The following DRC11 variants were observed in gnomAD, a reference collection of about 807,000 sequenced individuals.
The protein encoded by DRC11 is dynein regulatory complex subunit 11, also known as IQ and AAA domain-containing protein 1.
the DRC11 span, chr2:236,392,089 ATAC>A: frequency 1.6e-5 from 26 of 1,609,222 alleles, no homozygotes; most frequent in Non-Finnish European, 2.2e-5. The surrounding 1 kb of genome is among the most constrained non-coding windows in gnomAD (Gnocchi z 5.1). Flanking sequence ...AATACAAAAC[ATAC>A]TACTTTTAAG....
the DRC11 span, among the ~76,000 whole-genome samples, chr2:236,436,264 C>A: frequency 6.6e-6 from 1 of 151,686 alleles, no homozygotes; most frequent in Non-Finnish European, 1.5e-5. Flanking sequence ...TGAAAAATAC[C>A]CATTGTCATA....
At chr2:236,409,021 C>T in the DRC11 span, 1 of 650,034 alleles carries the variant, frequency 1.5e-6, no homozygotes, top group Admixed American at 2.5e-5. Flanking sequence ...CTGTGCACTT[C>T]CGAGGCAGGA....
the DRC11 span, among the ~76,000 whole-genome samples, chr2:236,386,656 A>T: frequency 6.6e-6 from 1 of 151,002 alleles, no homozygotes; most frequent in African/African-American, 2.4e-5. Context: ...TTGTGTCTCT[A>T]TTTCCTTCAG....
the DRC11 span, among the ~76,000 whole-genome samples, chr2:236,396,874 C>G: frequency 6.6e-6 from 1 of 152,210 alleles, no homozygotes; most frequent in Non-Finnish European, 1.5e-5. Context: ...AGGCCCTGCC[C>G]TCAAGGACTT....
At chr2:236,357,902 TATAA>T in the DRC11 span, among the ~76,000 whole-genome samples, 2 of 123,458 alleles carry the variant, frequency 1.6e-5, no homozygotes, top group South Asian at 2.4e-4. Flanking sequence ...ATTTATAATA[TATAA>T]ATATACATAT....
the DRC11 span, among the ~76,000 whole-genome samples, chr2:236,311,949 T>G: frequency 6.6e-6 from 1 of 152,118 alleles, no homozygotes; most frequent in Non-Finnish European, 1.5e-5. This position sits in a 1 kb window ranked among gnomAD's most constrained non-coding sequence, Gnocchi z 6.9. Context: ...ATTCTATAGA[T>G]ATGTTAAGGT....
the DRC11 span, among the ~76,000 whole-genome samples, chr2:236,432,115 T>A: frequency 3.9e-5 from 6 of 152,302 alleles, no homozygotes; most frequent in African/African-American, 1.4e-4. Context: ...TTTGTATCCA[T>A]CCTCATGGGT....
the DRC11 span, chr2:236,486,703 A>T: frequency 1.2e-4 from 82 of 675,330 alleles, no homozygotes; most frequent in Middle Eastern, 1.2e-3. This position sits in a 1 kb window ranked among gnomAD's most constrained non-coding sequence, Gnocchi z 5.7. Context: ...CATATGGGTG[A>T]CTCCATTCCA....
the DRC11 span, among the ~76,000 whole-genome samples, chr2:236,494,386 T>C: frequency 1.3e-5 from 2 of 152,218 alleles, no homozygotes; most frequent in African/African-American, 4.8e-5. The surrounding 1 kb of genome is among the most constrained non-coding windows in gnomAD (Gnocchi z 4.2). Context: ...ACAAAAGTAG[T>C]TTGCTTTATT....
the DRC11 span, chr2:236,331,440 A>C: frequency 1.2e-6 from 2 of 1,614,016 alleles, no homozygotes; most frequent in East Asian, 4.5e-5. The surrounding 1 kb of genome is among the most constrained non-coding windows in gnomAD (Gnocchi z 4.8). Context: ...TGAGAGGTTT[A>C]TGAATTTGCC....
the DRC11 span, chr2:236,455,219 G>A: frequency 3.3e-5 from 5 of 152,344 alleles, no homozygotes; most frequent in Non-Finnish European, 7.3e-5. The surrounding 1 kb of genome is among the most constrained non-coding windows in gnomAD (Gnocchi z 5.7). Flanking sequence ...CTGCTGGCAT[G>A]TTCGGAAGGA....
At chr2:236,439,060 T>G in the DRC11 span, among the ~76,000 whole-genome samples, 6 of 149,802 alleles carry the variant, frequency 4.0e-5, no homozygotes, top group Admixed American at 1.3e-4. Flanking sequence ...CTGGGACGCA[T>G]TCAAAGCAGT....
At chr2:236,494,824 C>A in the DRC11 span, among the ~76,000 whole-genome samples, 1 of 152,110 alleles carries the variant, frequency 6.6e-6, no homozygotes, top group African/African-American at 2.4e-5. The surrounding 1 kb of genome is among the most constrained non-coding windows in gnomAD (Gnocchi z 4.2). Context: ...GAACACCAAA[C>A]CTTTCTGAGG....
chr2:236,346,953 G>A, the DRC11 span, among the ~76,000 whole-genome samples: 4 of 152,332 alleles, frequency 2.6e-5, no homozygotes, highest in South Asian at 2.1e-4. Flanking sequence ...TCTCAAGTGA[G>A]CATGCGCACA....
At chr2:236,401,682 GTGTATGATCCCGTTT>G in the DRC11 span, among the ~76,000 whole-genome samples, 1 of 151,660 alleles carries the variant, frequency 6.6e-6, no homozygotes, top group Non-Finnish European at 1.5e-5. This position sits in a 1 kb window ranked among gnomAD's most constrained non-coding sequence, Gnocchi z 4.6. Context: ...AGGCCTCACA[GTGTATGATCCCGTTT>G]ATATGAAAAC....
chr2:236,357,757 T>G, the DRC11 span, among the ~76,000 whole-genome samples: 2 of 126,442 alleles, frequency 1.6e-5, no homozygotes, highest in Non-Finnish European at 3.1e-5. Context: ...AATATATAAA[T>G]ATACATATAC....
chr2:236,497,079 G>T, the DRC11 span: 2 of 1,070,988 alleles, frequency 1.9e-6, no homozygotes, highest in Non-Finnish European at 2.7e-6. The surrounding 1 kb of genome is among the most constrained non-coding windows in gnomAD (Gnocchi z 5.1). Flanking sequence ...CAGGAAGTCT[G>T]TAGAGTATCG....
the DRC11 span, among the ~76,000 whole-genome samples, chr2:236,380,011 TC>T: frequency 6.6e-6 from 1 of 152,278 alleles, no homozygotes; most frequent in Non-Finnish European, 1.5e-5. This position sits in a 1 kb window ranked among gnomAD's most constrained non-coding sequence, Gnocchi z 4.9. Flanking sequence ...TTAATTAAAT[TC>T]CTTGATAATA....
At chr2:236,477,289 T>C in the DRC11 span, among the ~76,000 whole-genome samples, 1 of 152,232 alleles carries the variant, frequency 6.6e-6, no homozygotes, top group Non-Finnish European at 1.5e-5. Flanking sequence ...ATATTTTATA[T>C]ATTACATGTA....
Sources: allele counts gnomAD v4.1 joint callset (sites outside exome capture counted in the v4.1 genomes callset), GRCh38; gene constraint gnomAD v4.1.1; non-coding constraint Gnocchi (gnomAD v3.1); transcripts MANE v1.5; gene names NCBI Gene and HGNC (gene_info 2026-07-23, HGNC 2026-07-21).